Variants in FBXL2 observed in about 807,000 individuals in gnomAD.
The protein encoded by FBXL2 is F-box and leucine rich repeat protein 2, also known as F-box/LRR-repeat protein 2.
In FBXL2, 38 loss-of-function variants were observed where a neutral mutation model predicts 69.2. The observed-to-expected ratio is 0.55, with a 90% CI of 0.42 to 0.72. The LOEUF (loss-of-function observed/expected upper bound fraction) is 0.72. Among genes scored for constraint, FBXL2 ranks in the 30% least tolerant of loss-of-function variants. FBXL2 has a pLI of 0.00. For synonymous variants in FBXL2, 192 were observed against 201.3 expected (o/e 0.95, Z 0.39); for missense variants, 354 against 520.3 (o/e 0.68, Z 3.11).
chr3:33,301,657 C>T (rs1487360519), intron 2 of FBXL2, among the ~76,000 whole-genome samples: 1 of 152,092 alleles, frequency 6.6e-6, no homozygotes, highest in Admixed American at 6.6e-5. Flanking sequence ...AGCTCTTGCT[C>T]ATAAATTAAG....
the FBXL2 span, among the ~76,000 whole-genome samples, chr3:33,410,393 AT>A: frequency 3.9e-5 from 6 of 152,218 alleles, no homozygotes; most frequent in Non-Finnish European, 8.8e-5. Flanking sequence ...TATCACTTTG[AT>A]TTACTACATA....
chr3:33,377,366 T>C, intron 11 of FBXL2, 33 bp downstream of exon 11: 1 of 1,602,266 alleles, frequency 6.2e-7, no homozygotes, highest in Non-Finnish European at 8.6e-7. Flanking sequence ...ACAACCAAAC[T>C]CTAATTCACC....
chr3:33,308,906 T>C (rs1365091058), intron 2 of FBXL2, among the ~76,000 whole-genome samples: 3 of 152,214 alleles, frequency 2.0e-5, no homozygotes, highest in Non-Finnish European at 2.9e-5. Flanking sequence ...TTTTACTGGT[T>C]TCTAGTTTCA....
chr3:33,279,247 A>G (rs1165052970), intron 1 of FBXL2, among the ~76,000 whole-genome samples: 3 of 151,602 alleles, frequency 2.0e-5, no homozygotes, highest in Admixed American at 2.0e-4. Context: ...GCGGCTGCAT[A>G]TATATGTCAT....
chr3:33,290,875 C>T (rs2035155273), intron 1 of FBXL2, among the ~76,000 whole-genome samples: 1 of 150,900 alleles, frequency 6.6e-6, no homozygotes, highest in Non-Finnish European at 1.5e-5. Flanking sequence ...TAAAGGTGAA[C>T]AGTAATATGA....
At chr3:33,288,667 A>G (rs935008350) in intron 1 of FBXL2, among the ~76,000 whole-genome samples, 1 of 152,200 alleles carries the variant, frequency 6.6e-6, no homozygotes, top group African/African-American at 2.4e-5. Context: ...AACAGCAAGA[A>G]AACCAGTGGG....
chr3:33,388,870 C>T (rs570505927), downstream of FBXL2: 1 of 152,296 alleles, frequency 6.6e-6, no homozygotes, highest in African/African-American at 2.4e-5. Context: ...AGTTTGTCTT[C>T]TGGGAGAGAT....
chr3:33,370,004 G>GATAA (rs1486358604), intron 5 of FBXL2, among the ~76,000 whole-genome samples: 2 of 152,084 alleles, frequency 1.3e-5, no homozygotes, highest in Non-Finnish European at 2.9e-5. Context: ...TTTTTATCTG[G>GATAA]TATCATTTTC....
At chr3:33,369,626 A>G (rs2042165737) in intron 5 of FBXL2, among the ~76,000 whole-genome samples, 1 of 151,738 alleles carries the variant, frequency 6.6e-6, no homozygotes, top group African/African-American at 2.4e-5. Context: ...CATTATTATT[A>G]TTATTTTAGA....
chr3:33,392,457 T>C (rs2043806287), downstream of FBXL2: 2 of 958,026 alleles, frequency 2.1e-6, no homozygotes, highest in African/African-American at 3.4e-5. Flanking sequence ...CTTCTTAAAA[T>C]GAGTAAAGCA....
At chr3:33,420,592 G>A in the FBXL2 span, among the ~76,000 whole-genome samples, 11 of 149,392 alleles carry the variant, frequency 7.4e-5, no homozygotes, top group Non-Finnish European at 1.5e-4. Flanking sequence ...GGGTTCAAAC[G>A]GTTCTCCTGC....
intron 2 of FBXL2, among the ~76,000 whole-genome samples, chr3:33,334,598 A>G (rs2039427071): frequency 6.6e-6 from 1 of 152,244 alleles, no homozygotes; most frequent in South Asian, 2.1e-4. Context: ...TGCAAAAAAG[A>G]GAAGAGAAAG....
In FBXL2 at chr3:33,365,303, C is replaced by T. The variant is rs534518376; in HGVS notation, c.290+584C>T. ...TGGGGTTTTTTTTTTTTTTTGAGAC[C>T]GAGTCTCACTCTGTCACTCAGGCTG... On this transcript the variant is annotated intron_variant, in intron 5 of 14. Coordinates refer to ENST00000484457, the MANE Select transcript of FBXL2 (RefSeq NM_012157.5). 4.7e-5 allele frequency among the ~76,000 whole-genome samples: 7 copies of T among 148,746 alleles called. No homozygotes were observed. In the East Asian group the frequency reaches 5.9e-4, roughly 13 times the overall value.
At chr3:33,337,578 T>G (rs1292654512) in intron 2 of FBXL2, among the ~76,000 whole-genome samples, 1 of 152,212 alleles carries the variant, frequency 6.6e-6, no homozygotes, top group Admixed American at 6.5e-5. Flanking sequence ...TTTAGAAAAC[T>G]TTTAGCAATA....
At chr3:33,280,677 C>G (rs2033879136) in intron 1 of FBXL2, among the ~76,000 whole-genome samples, 1 of 147,910 alleles carries the variant, frequency 6.8e-6, no homozygotes. Flanking sequence ...CACACCACTG[C>G]CCTCCAGTCT....
intron 2 of FBXL2, among the ~76,000 whole-genome samples, chr3:33,335,759 A>G (rs149456709): frequency 1.3e-5 from 2 of 152,342 alleles, no homozygotes; most frequent in African/African-American, 4.8e-5. Flanking sequence ...ACAAATAGCA[A>G]GATGTTAGAT....
At chr3:33,343,153 A>G (rs2125863461) in intron 2 of FBXL2, among the ~76,000 whole-genome samples, 1 of 152,080 alleles carries the variant, frequency 6.6e-6, no homozygotes, top group East Asian at 1.9e-4. Flanking sequence ...AAGCAATTAT[A>G]TATATATGAT....
chr3:33,366,613 A>C (rs1333693307), intron 5 of FBXL2, among the ~76,000 whole-genome samples: 1 of 152,172 alleles, frequency 6.6e-6, no homozygotes, highest in Non-Finnish European at 1.5e-5. Flanking sequence ...GCAGTGAGCT[A>C]TGATCACACC....
rs964592526 is a variant in FBXL2, at chr3:33,315,447, T to A, written c.65+17722T>A. On this transcript the variant is annotated intron_variant, in intron 2 of 14. Coordinates refer to ENST00000484457, the MANE Select transcript of FBXL2 (RefSeq NM_012157.5). ...TGTATTATCAATGCAAATGTCAGTT[T>A]AAAAAAAAAAAAAGATGTGCTTTTT... Among the ~76,000 whole-genome samples the A allele has an allele frequency of 1.3e-4, 18 of 143,706 alleles. No individual in the cohort carries two copies. The South Asian group carries it at 2.0e-3, about 16-fold the overall frequency. 94.3% of individuals were successfully genotyped at this position (143,706 alleles called of 152,430 possible).
Sources: allele counts gnomAD v4.1 joint callset (sites outside exome capture counted in the v4.1 genomes callset), GRCh38; gene constraint gnomAD v4.1.1; transcripts MANE v1.5; gene names NCBI Gene and HGNC (gene_info 2026-07-23, HGNC 2026-07-21).